Variants in TACC2 observed in about 807,000 individuals in gnomAD.
TACC2 encodes the protein transforming acidic coiled-coil-containing protein 2.
TACC2 carries 137 observed loss-of-function variants against 227.3 expected under a neutral mutation model. That is an observed-to-expected ratio of 0.60 (90% CI 0.52 to 0.69). The LOEUF is 0.69. Among genes scored for constraint, TACC2 ranks in the 30% least tolerant of loss-of-function variants. The pLI is 0.00. For synonymous variants in TACC2, 1,523 were observed against 1,487.5 expected, an observed-to-expected ratio of 1.02 and a Z score of -0.55; for missense variants, 3,470 against 3,694.4, an observed-to-expected ratio of 0.94 and a Z score of 1.57.
intron 5 of TACC2, among the ~76,000 whole-genome samples, chr10:122,106,370 C>CA (rs2082805084): frequency 6.6e-6 from 1 of 152,166 alleles, no homozygotes; most frequent in Admixed American, 6.5e-5. Flanking sequence ...TATGGGCACT[C>CA]AGAGGGTGAT....
intron 20 of TACC2, 61 bp downstream of exon 20, chr10:122,248,864 A>C: frequency 6.2e-7 from 1 of 1,601,078 alleles, no homozygotes. Context: ...TTGTGGGAGC[A>C]CTGGGAGGGG....
chr10:122,254,108 C>T lies in TACC2; in HGVS notation c.*52C>T, dbSNP rs754430244. On this transcript the variant is annotated 3_prime_UTR_variant, in exon 23 of 23. Transcript: ENST00000369005. ...CTGTTGCGTGCAATATGACCGTCGG[C>T]ACACTGCTGTTCCTCCAGTTCCATG... The T allele has an allele frequency of 1.4e-6, 2 of 1,446,056 alleles. No individual in the cohort carries two copies. Among genetic ancestry groups the T allele is most frequent in the East Asian group, 2.3e-5 (1 of 44,130 alleles). The allele number at this position is 1,446,056 out of a possible 1,614,324, so 89.6% of individuals were successfully genotyped here. A position where few individuals can be genotyped will look rare whatever the true frequency, so the allele number is the denominator to read the frequency against.
At position 122,082,939 on chromosome 10, in the gene TACC2, C is replaced by G; in HGVS notation, c.439C>G (p.Pro147Ala). 1 of 1,613,040 alleles carries G rather than the reference C, an allele frequency of 6.2e-7. No individual in the cohort carries two copies. Among genetic ancestry groups the G allele is most frequent in the Non-Finnish European group, 8.5e-7 (1 of 1,180,032 alleles). Residue 147 changes from proline (P) to alanine (A), a missense_variant, in exon 4 of 23, where the codon CCA becomes GCA. By Grantham distance (27) the Pro-to-Ala change is conservative. This residue lies in a region of TACC2 where 405 missense variants were observed against 389.6 expected (regional missense o/e 1.04). Transcript: ENST00000369005. ...SPRREPAPNA[P>A]GDIAAAFPAE... The stretch of plus-strand genomic sequence containing the variant: ...CAGGAGGGAACCTGCCCCAAATGCC[C>G]CAGGAGACATCGCGGCGGCATTTCC...
chr10:122,186,115 G>C (rs562107342), intron 7 of TACC2, among the ~76,000 whole-genome samples: 50 of 152,138 alleles, frequency 3.3e-4, no homozygotes, highest in African/African-American at 1.2e-3. Flanking sequence ...TTTTAGTAGA[G>C]ACAGGGTTTT....
At chr10:122,181,685 G>A (rs948198965) in intron 7 of TACC2, among the ~76,000 whole-genome samples, 2 of 152,104 alleles carry the variant, frequency 1.3e-5, no homozygotes, top group African/African-American at 4.8e-5. Context: ...CGTGTAATTC[G>A]TATATTAAGT....
chr10:122,144,664 A>C (rs1326505277), intron 7 of TACC2, among the ~76,000 whole-genome samples: 1 of 152,200 alleles, frequency 6.6e-6, no homozygotes, highest in Non-Finnish European at 1.5e-5. Context: ...GAGGAAGGGA[A>C]CATCACCACA....
intron 8 of TACC2, among the ~76,000 whole-genome samples, chr10:122,195,973 G>A (rs1195101285): frequency 2.0e-5 from 3 of 152,168 alleles, no homozygotes; most frequent in African/African-American, 4.8e-5. Context: ...CAGCCTTCCC[G>A]TGTGATGAGA....
At chr10:122,090,829 G>A (rs368611750) in intron 5 of TACC2, among the ~76,000 whole-genome samples, 1 of 152,028 alleles carries the variant, frequency 6.6e-6, no homozygotes, top group Non-Finnish European at 1.5e-5. Flanking sequence ...GCTCAATGCA[G>A]CCTCGACCAC....
At chr10:122,161,368 C>T (rs926638702) in intron 7 of TACC2, among the ~76,000 whole-genome samples, 3 of 152,178 alleles carry the variant, frequency 2.0e-5, no homozygotes, top group Non-Finnish European at 4.4e-5. Context: ...TTTAATGCTG[C>T]CTTAATTTCC....
intron 5 of TACC2, among the ~76,000 whole-genome samples, chr10:122,096,797 G>A (rs1311434697): frequency 4.0e-5 from 6 of 151,874 alleles, no homozygotes; most frequent in Non-Finnish European, 5.9e-5. Flanking sequence ...TTCTTGTCCC[G>A]AAAACCTGGC....
At chr10:122,118,481 A>G (rs1349695543) in intron 5 of TACC2, among the ~76,000 whole-genome samples, 2 of 152,008 alleles carry the variant, frequency 1.3e-5, no homozygotes, top group Admixed American at 1.3e-4. Context: ...CATCCTCAGT[A>G]CCTTGTATTG....
chr10:122,240,178 C>T (rs543230490), intron 18 of TACC2, among the ~76,000 whole-genome samples: 2 of 152,260 alleles, frequency 1.3e-5, no homozygotes, highest in African/African-American at 4.8e-5. Flanking sequence ...TTTTCAGGTC[C>T]CCGGTCTCTC....
intron 6 of TACC2, 48 bp downstream of exon 6, chr10:122,132,782 C>A: frequency 6.2e-7 from 1 of 1,604,896 alleles, no homozygotes; most frequent in Non-Finnish European, 8.5e-7. Flanking sequence ...GGGCCCAATC[C>A]TTGAGGCTGC....
chr10:122,070,641 T>A (rs977749922), intron 3 of TACC2, among the ~76,000 whole-genome samples: 1 of 151,016 alleles, frequency 6.6e-6, no homozygotes, highest in Admixed American at 6.6e-5. Context: ...TAATCCCAGC[T>A]ACTTGGGAGG....
At chr10:122,134,965 T>G (rs2089278530) in intron 6 of TACC2, among the ~76,000 whole-genome samples, 2 of 152,214 alleles carry the variant, frequency 1.3e-5, no homozygotes, top group Non-Finnish European at 2.9e-5. Context: ...CTCTTAAGTC[T>G]CCTTTTCCCT....
intron 3 of TACC2, among the ~76,000 whole-genome samples, chr10:122,078,038 T>C (rs1189923575): frequency 2.0e-5 from 3 of 151,488 alleles, no homozygotes; most frequent in Non-Finnish European, 4.4e-5. Flanking sequence ...CTACTAAAAA[T>C]ACAAAAATTA....
chr10:122,131,073 G>A (rs981338247), intron 5 of TACC2, among the ~76,000 whole-genome samples: 1 of 151,956 alleles, frequency 6.6e-6, no homozygotes, highest in Non-Finnish European at 1.5e-5. Flanking sequence ...AGCATTTGGG[G>A]AGGCTGAAGT....
chr10:122,082,516 C>A, intron 3 of TACC2, 131 bp from the exon 4 acceptor site: 1 of 947,702 alleles, frequency 1.1e-6, no homozygotes, highest in Non-Finnish European at 1.6e-6. Context: ...GAATGAGCTG[C>A]ATGAGGATGC....
chr10:122,075,489 C>A (rs796841635), intron 3 of TACC2, among the ~76,000 whole-genome samples: 25 of 152,342 alleles, frequency 1.6e-4, no homozygotes, highest in African/African-American at 5.5e-4. Flanking sequence ...CTCCCCATAT[C>A]ACCACTCGGA....
Sources: gnomAD v4.1 joint callset for allele counts (sites outside exome capture counted in the v4.1 genomes callset) on GRCh38, gnomAD v4.1.1 for gene constraint, gnomAD v4.1.1 regional missense constraint, MANE v1.5 for transcripts, NCBI Gene and HGNC (gene_info 2026-07-23, HGNC 2026-07-21) for gene names.